Variants in NPLOC4 observed in about 807,000 individuals in gnomAD.
The protein encoded by NPLOC4 is nuclear protein localization protein 4 homolog.
NPLOC4 carries 18 observed loss-of-function variants against 80.6 expected under a neutral mutation model. That is an observed-to-expected ratio of 0.22 (90% CI 0.15 to 0.33). The LOEUF (loss-of-function observed/expected upper bound fraction) is 0.33, where lower values mean the gene tolerates loss of function less well. NPLOC4 is among the 10% of genes least tolerant of loss of function. The pLI is 1.00. For synonymous variants in NPLOC4, 313 were observed against 301.5 expected (o/e 1.04, Z -0.39); for missense variants, 540 against 786.1 (o/e 0.69, Z 3.74).
intron 16 of NPLOC4, 21 bp from the exon 17 acceptor site, chr17:81,559,437 G>T: frequency 6.2e-7 from 1 of 1,600,252 alleles, no homozygotes; most frequent in Non-Finnish European, 8.5e-7. Context: ...GAAGAGAAAT[G>T]AGCACTCATC....
intron 12 of NPLOC4, among the ~76,000 whole-genome samples, chr17:81,576,346 T>G (rs1046460887): frequency 6.6e-6 from 1 of 152,228 alleles, no homozygotes; most frequent in Non-Finnish European, 1.5e-5. Context: ...GGTCCACCTA[T>G]AGGCAGACTT....
Position 81,580,266 on chromosome 17 carries a change from T to G in NPLOC4, c.1282-8178A>C, listed in dbSNP as rs567688228. ...TCTGCACTAGCACATCGCCGACAGA[T>G]CCCCAGCCTTCCAGCCTGGCCTGGA... On this transcript the variant is annotated intron_variant, in intron 12 of 16. Transcript: ENST00000331134. The surrounding 1 kb of genome is among the most constrained non-coding windows in gnomAD (Gnocchi z 4.4). 2.0e-5 allele frequency among the ~76,000 whole-genome samples: 3 copies of G among 152,112 alleles called. No individual in the cohort carries two copies. Among genetic ancestry groups the G allele is most frequent in the Non-Finnish European group, 4.4e-5 (3 of 68,016 alleles).
At chr17:81,596,081 G>A (rs1954802801) in intron 11 of NPLOC4, 35 bp downstream of exon 11, 7 of 1,582,712 alleles carry the variant, frequency 4.4e-6, no homozygotes, top group Non-Finnish European at 6.0e-6. Context: ...TTAACGAGGT[G>A]GTAATATTTA....
At chr17:81,596,995 C>T (rs1300903767) in intron 10 of NPLOC4, among the ~76,000 whole-genome samples, 1 of 152,182 alleles carries the variant, frequency 6.6e-6, no homozygotes, top group African/African-American at 2.4e-5. Flanking sequence ...CGCCTGTAGT[C>T]CCAGCTTCTC....
rs146076835 is a variant in NPLOC4, at chr17:81,634,940, T to C, written c.15+1976A>G. Among the ~76,000 whole-genome samples, 538 of 152,246 alleles carry C rather than the reference T, an allele frequency of 3.5e-3. 1 individual carries two copies. The highest frequency in any genetic ancestry group is 0.012 in the African/African-American group (510 of 41,544). On this transcript the variant is annotated intron_variant, in intron 1 of 16. Transcript: ENST00000331134. ...GGCCGGGCATGGTAGCTCAGGACTG[T>C]AATCCTAGCAATTTTGGGACCCCAA...
At chr17:81,605,865 A>C (rs898413118) in intron 7 of NPLOC4, among the ~76,000 whole-genome samples, 18 of 146,972 alleles carry the variant, frequency 1.2e-4, no homozygotes, top group African/African-American at 4.5e-4. Context: ...TCTGTCACCC[A>C]GGCTGGAGTG....
In NPLOC4 at chr17:81,615,614, C is replaced by A. The variant is rs556130623; in HGVS notation, c.210-2120G>T. On this transcript the variant is annotated intron_variant, in intron 3 of 16. Transcript: ENST00000331134. Reference sequence around the variant, plus strand: ...ACAGAACTCAGAGCTGCTTGTGGGGCCAAGGCCACTCTCAGTAATTCACTC... The same window carrying A: ...ACAGAACTCAGAGCTGCTTGTGGGGACAAGGCCACTCTCAGTAATTCACTC... Among the ~76,000 whole-genome samples the A allele has an allele frequency of 7.2e-5, 11 of 152,330 alleles. No homozygotes were observed. In the South Asian group the frequency reaches 2.1e-3, roughly 29 times the overall value.
At chr17:81,628,729 C>T (rs1409298411) in intron 2 of NPLOC4, among the ~76,000 whole-genome samples, 1 of 151,950 alleles carries the variant, frequency 6.6e-6, no homozygotes, top group Non-Finnish European at 1.5e-5. Context: ...CTAAGAAGTA[C>T]ATAATATGCA....
At chr17:81,628,492 AAC>A (rs1437910141) in intron 2 of NPLOC4, among the ~76,000 whole-genome samples, 2 of 152,070 alleles carry the variant, frequency 1.3e-5, no homozygotes, top group African/African-American at 2.4e-5. Flanking sequence ...CAGCCTGGGC[AAC>A]AGAGTGAGAT....
intron 3 of NPLOC4, among the ~76,000 whole-genome samples, chr17:81,617,731 G>A (rs1200937137): frequency 1.3e-5 from 2 of 149,520 alleles, no homozygotes. Flanking sequence ...CTGTACTGCT[G>A]CCATCTCGGC....
intron 6 of NPLOC4, among the ~76,000 whole-genome samples, chr17:81,608,394 G>A (rs1240113229): frequency 6.6e-6 from 1 of 152,152 alleles, no homozygotes; most frequent in Non-Finnish European, 1.5e-5. Context: ...CTGCACAGTC[G>A]CTCTGCCTTG....
chr17:81,588,574 C>G (rs989331941), intron 12 of NPLOC4, among the ~76,000 whole-genome samples: 2 of 152,146 alleles, frequency 1.3e-5, no homozygotes, highest in South Asian at 2.1e-4. Context: ...TCTTGAAGTT[C>G]TGGACTCAAG....
chr17:81,628,653 A>G (rs554843229), intron 2 of NPLOC4, among the ~76,000 whole-genome samples: 139 of 152,354 alleles, frequency 9.1e-4, no homozygotes, highest in African/African-American at 3.2e-3. Context: ...GAGAAACAAC[A>G]CCAGACAGAA....
At chr17:81,561,276 C>T (rs1312745494) in intron 16 of NPLOC4, among the ~76,000 whole-genome samples, 2 of 152,052 alleles carry the variant, frequency 1.3e-5, no homozygotes, top group South Asian at 2.1e-4. Flanking sequence ...TTTTGTGAAA[C>T]GTTTCACCCT....
chr17:81,567,511 T>C lies in NPLOC4; in HGVS notation c.1472A>G (p.Tyr491Cys), dbSNP rs2034044055. 7.4e-6 allele frequency: 12 copies of C among 1,612,338 alleles called. No homozygotes were observed. Among genetic ancestry groups the C allele is most frequent in the East Asian group, 2.2e-5 (1 of 44,886 alleles). ...CACAGATGAGGTATTCTGAGACAAA[T>C]AGGTGGCCAAGCTATGGAAGTCCTA... ...ETQDFHSLAT[Y>C]LSQNTSSVFL... Residue 491 changes from tyrosine (Y) to cysteine (C), a missense_variant, in exon 15 of 17, where the codon TAT becomes TGT. Transcript: ENST00000331134. This position sits in a 1 kb window ranked among gnomAD's most constrained non-coding sequence, Gnocchi z 4.5.
At chr17:81,615,643 G>A (rs924702161) in intron 3 of NPLOC4, among the ~76,000 whole-genome samples, 2 of 152,220 alleles carry the variant, frequency 1.3e-5, no homozygotes, top group African/African-American at 4.8e-5. Flanking sequence ...TTCACTCACA[G>A]CTTTGGGCCT....
chr17:81,611,189 A>G (rs1301903085), intron 4 of NPLOC4, among the ~76,000 whole-genome samples: 1 of 151,728 alleles, frequency 6.6e-6, no homozygotes, highest in East Asian at 2.0e-4. Flanking sequence ...ACGTGGTGGC[A>G]AGCACCTGTA....
intron 2 of NPLOC4, among the ~76,000 whole-genome samples, chr17:81,627,574 T>C (rs1337653954): frequency 6.6e-6 from 1 of 151,092 alleles, no homozygotes; most frequent in African/African-American, 2.4e-5. Flanking sequence ...ACTCCATCTC[T>C]ATTAAAAAGA....
At chr17:81,573,021 T>C (rs1449716372) in intron 12 of NPLOC4, among the ~76,000 whole-genome samples, 1 of 152,198 alleles carries the variant, frequency 6.6e-6, no homozygotes, top group Non-Finnish European at 1.5e-5. Context: ...CAGCATATGT[T>C]CATTAATCAT....
Sources: gnomAD v4.1 joint callset for allele counts (sites outside exome capture counted in the v4.1 genomes callset) on GRCh38, gnomAD v4.1.1 for gene constraint, Gnocchi (gnomAD v3.1) non-coding constraint, MANE v1.5 for transcripts, NCBI Gene and HGNC (gene_info 2026-07-23, HGNC 2026-07-21) for gene names.